The following CSNK1E variants were observed in gnomAD, a reference collection of about 807,000 sequenced individuals.
The protein encoded by CSNK1E is casein kinase 1 epsilon.
In CSNK1E, 17 loss-of-function variants were observed where a neutral mutation model predicts 46.1. That is an observed-to-expected ratio of 0.37 (90% confidence interval 0.25 to 0.55). CSNK1E has a LOEUF of 0.55. Ranked by LOEUF, CSNK1E falls within the 20% of genes least tolerant of loss-of-function variation. The probability of loss-of-function intolerance (pLI) is 0.82; values close to 1 mark genes in which losing one functional copy is unlikely to be tolerated. For missense variants in CSNK1E, 386 were observed against 595.4 expected (o/e 0.65, Z 3.66); for synonymous variants, 241 against 242.6 (o/e 0.99, Z 0.06).
chr22:38,298,956 A>G lies in CSNK1E; in HGVS notation c.737-22T>C. ...TCGGCTGGAGGGTGTTGCAGAGGAT[A>G]GAGAAGGCCACTGTGAGGCCCACGC... On this transcript the variant is annotated intron_variant, in intron 6 of 10. Transcript: ENST00000396832. This position sits in a 1 kb window ranked among gnomAD's most constrained non-coding sequence, Gnocchi z 4.2. 2 of 1,613,776 alleles carry G rather than the reference A, an allele frequency of 1.2e-6. No individual in the cohort carries two copies. Among genetic ancestry groups the G allele is most frequent in the Non-Finnish European group, 8.5e-7 (1 of 1,179,742 alleles).
At chr22:38,310,421 CG>C (rs1169335650) in intron 2 of CSNK1E, among the ~76,000 whole-genome samples, 1 of 152,142 alleles carries the variant, frequency 6.6e-6, no homozygotes, top group African/African-American at 2.4e-5. Context: ...TGGACACAAT[CG>C]GGGACATGGG....
intron 7 of CSNK1E, chr22:38,296,828 G>C: frequency 4.0e-6 from 4 of 988,202 alleles, no homozygotes; most frequent in Non-Finnish European, 6.0e-6. Context: ...CCACTGGAGG[G>C]CAGTGGCATG....
chr22:38,293,216 C>T lies in CSNK1E; in HGVS notation c.*32+39G>A, dbSNP rs185497677. On this transcript the variant is annotated intron_variant, in intron 10 of 10. Coordinates refer to ENST00000396832, the MANE Select transcript of CSNK1E (RefSeq NM_152221.3). Reference sequence around the variant, plus strand: ...TCTGGGGCCCTGGGAGCTTCTAGGTCGGCTGGGCTGGCTGCATCTGCAGCA... The same window carrying T: ...TCTGGGGCCCTGGGAGCTTCTAGGTTGGCTGGGCTGGCTGCATCTGCAGCA... 535 of 1,558,750 alleles carry T rather than the reference C, an allele frequency of 3.4e-4. 3 individuals are homozygous for T. In the African/African-American group the frequency reaches 4.1e-3, roughly 12 times the overall value.
At chr22:38,293,951 G>T in intron 9 of CSNK1E, 158 bp downstream of exon 9, 1 of 839,468 alleles carries the variant, frequency 1.2e-6, no homozygotes, top group Non-Finnish European at 1.8e-6. Context: ...AGACCTCAGA[G>T]GATTAAATGA....
Position 38,300,661 on chromosome 22 carries a change from C to T in CSNK1E, c.565+63G>A. On this transcript the variant is annotated intron_variant, in intron 5 of 10. Coordinates refer to ENST00000396832, the MANE Select transcript of CSNK1E (RefSeq NM_152221.3). This position sits in a 1 kb window ranked among gnomAD's most constrained non-coding sequence, Gnocchi z 4.4. ...CATCAGGGTAGGGGGTGAGAGGGCTCCAGAGAGCTGGGCCCCAGCCAGTGG... is the reference window on the plus strand; with the variant it reads ...CATCAGGGTAGGGGGTGAGAGGGCTTCAGAGAGCTGGGCCCCAGCCAGTGG... The T allele has an allele frequency of 2.0e-6, 3 of 1,521,984 alleles. No homozygotes were observed. In the Admixed American group the frequency reaches 5.2e-5, roughly 26 times the overall value. 94.3% of individuals were successfully genotyped at this position (1,521,984 alleles called of 1,614,324 possible). A position where few individuals can be genotyped will look rare whatever the true frequency, so the allele number is the denominator to read the frequency against.
intron 10 of CSNK1E, chr22:38,293,036 C>T: frequency 1.8e-6 from 1 of 563,146 alleles, no homozygotes; most frequent in South Asian, 2.1e-5. Context: ...AGAAACTAAT[C>T]CATGAGGGGT....
chr22:38,292,548 A>C (rs2092616836), intron 10 of CSNK1E: 2 of 152,214 alleles, frequency 1.3e-5, no homozygotes, highest in South Asian at 4.1e-4. Flanking sequence ...GAATTTCTAC[A>C]AAACAGACCA....
In CSNK1E at chr22:38,300,985, G is replaced by A. The variant is rs560783730; in HGVS notation, c.337-33C>T. On this transcript the variant is annotated intron_variant, in intron 4 of 10. Coordinates refer to ENST00000396832, the MANE Select transcript of CSNK1E (RefSeq NM_152221.3). The surrounding 1 kb of genome is among the most constrained non-coding windows in gnomAD (Gnocchi z 4.4). ...GGAGGGGGGCCATTTGTTCAACAGA[G>A]GGGCCCTTGCCTAGCACTCTGGGCC... 16 of 1,587,534 alleles carry A rather than the reference G, an allele frequency of 1.0e-5. No individual in the cohort carries two copies. In the South Asian group the frequency reaches 1.4e-4, roughly 14 times the overall value.
At chr22:38,297,049 C>T (rs927467557) in intron 7 of CSNK1E, 11 of 736,828 alleles carry the variant, frequency 1.5e-5, no homozygotes, top group Non-Finnish European at 2.5e-5. Context: ...GCTGGGATTA[C>T]AGGCATGAGC....
intron 7 of CSNK1E, among the ~76,000 whole-genome samples, chr22:38,295,846 T>A (rs1024327552): frequency 1.3e-5 from 2 of 152,218 alleles, no homozygotes; most frequent in African/African-American, 4.8e-5. Flanking sequence ...CTCTAACTCC[T>A]GACCTCCGGT....
intron 2 of CSNK1E, among the ~76,000 whole-genome samples, chr22:38,306,586 C>G (rs1253147136): frequency 6.6e-6 from 1 of 152,192 alleles, no homozygotes; most frequent in Admixed American, 6.5e-5. Flanking sequence ...CAAAAATTAG[C>G]TGGGCGTAGT....
rs539043703 is a variant in CSNK1E, at chr22:38,303,623, C to T, written c.77-375G>A. Among the ~76,000 whole-genome samples the T allele has an allele frequency of 2.0e-5, 3 of 152,174 alleles. No homozygotes were observed. The highest frequency in any genetic ancestry group is 6.5e-5 in the Admixed American group (1 of 15,280). ...GGTCTGTCGGGTTGAGATGGTGGCA[C>T]GTGCAGAAGAGGCCCAATGGGGCTG... On this transcript the variant is annotated intron_variant, in intron 2 of 10. Coordinates refer to ENST00000396832, the MANE Select transcript of CSNK1E (RefSeq NM_152221.3). The surrounding 1 kb of genome is among the most constrained non-coding windows in gnomAD (Gnocchi z 4.7).
chr22:38,300,782 T>C lies in CSNK1E; in HGVS notation c.507A>G (p.Glu169=), dbSNP rs1199492013. ...ARTHQHIPYR[E]NKNLTGTARY... The stretch of plus-strand genomic sequence containing the variant: ...GGGCCGTGCCGGTCAGGTTCTTGTT[T>C]TCCCGGTAGGGAATGTGCTGGTGGG... The change falls in exon 5 of 11, where the codon GAA becomes GAG. Residue 169 remains glutamate, a synonymous_variant. Coordinates refer to ENST00000396832, the MANE Select transcript of CSNK1E (RefSeq NM_152221.3). The surrounding 1 kb of genome is among the most constrained non-coding windows in gnomAD (Gnocchi z 4.4). 1.9e-6 allele frequency: 3 copies of C among 1,614,128 alleles called. No individual in the cohort carries two copies. The African/African-American group carries it at 4.0e-5, about 22-fold the overall frequency.
At chr22:38,296,611 C>T in intron 7 of CSNK1E, 1 of 1,612,888 alleles carries the variant, frequency 6.2e-7, no homozygotes, top group Non-Finnish European at 8.5e-7. Flanking sequence ...CAGCTTCTAA[C>T]TCCAGGGCCT....
At chr22:38,299,372 C>T (rs1190734603) in intron 6 of CSNK1E, among the ~76,000 whole-genome samples, 2 of 152,192 alleles carry the variant, frequency 1.3e-5, no homozygotes, top group Non-Finnish European at 2.9e-5. Flanking sequence ...GGGGAGAGGG[C>T]CCTTGGGAGA....
At chr22:38,296,970 C>T in intron 7 of CSNK1E, 4 of 619,620 alleles carry the variant, frequency 6.5e-6, no homozygotes, top group South Asian at 5.6e-5. Context: ...AAATGGGTTT[C>T]ACCATGTTGG....
chr22:38,309,832 G>GACAGGGACCCAAGCTGCTAGGCAT lies in CSNK1E; in HGVS notation c.76+4249_76+4250insATGCCTAGCAGCTTGGGTCCCTGT, dbSNP rs2092713393. 6.6e-6 allele frequency among the ~76,000 whole-genome samples: 1 copy of GACAGGGACCCAAGCTGCTAGGCAT among 152,156 alleles called. No individual in the cohort carries two copies. Among genetic ancestry groups the GACAGGGACCCAAGCTGCTAGGCAT allele is most frequent in the Non-Finnish European group, 1.5e-5 (1 of 68,018 alleles). ...GATCATATGCTACAAACTTCCCAGGGACAGGGACCCAAGCTGCTAGGCAAA... is the reference window on the plus strand; with the variant it reads ...GATCATATGCTACAAACTTCCCAGGGACAGGGACCCAAGCTGCTAGGCATACAGGGACCCAAGCTGCTAGGCAAA... On this transcript the variant is annotated intron_variant, in intron 2 of 10. Coordinates refer to ENST00000396832, the MANE Select transcript of CSNK1E (RefSeq NM_152221.3). The surrounding 1 kb of genome is among the most constrained non-coding windows in gnomAD (Gnocchi z 4.8).
At chr22:38,317,989 C>G (rs1176907215), upstream of CSNK1E, 1 of 152,230 alleles carries the variant, frequency 6.6e-6, no homozygotes, top group African/African-American at 2.4e-5. Flanking sequence ...CTCATACATT[C>G]TCCTCCCGTG....
intron 2 of CSNK1E, among the ~76,000 whole-genome samples, chr22:38,306,459 G>A (rs796215301): frequency 2.6e-5 from 4 of 152,202 alleles, no homozygotes; most frequent in African/African-American, 7.2e-5. Flanking sequence ...CAGGCCGGGC[G>A]CGGTGGCTCA....
Sources: gnomAD v4.1 joint callset for allele counts (sites outside exome capture counted in the v4.1 genomes callset) on GRCh38, gnomAD v4.1.1 for gene constraint, Gnocchi (gnomAD v3.1) non-coding constraint, MANE v1.5 for transcripts, NCBI Gene and HGNC (gene_info 2026-07-23, HGNC 2026-07-21) for gene names.